The following ASAH1 variants were observed in gnomAD, a reference collection of about 807,000 sequenced individuals.
ASAH1 encodes the protein acid ceramidase.
A neutral mutation model predicts 59.5 loss-of-function variants in ASAH1; 70 were observed. The ratio of observed to expected loss-of-function variants is 1.18; its 90% CI spans 0.97 to 1.43. The LOEUF (loss-of-function observed/expected upper bound fraction) is 1.43, where lower values mean the gene tolerates loss of function less well. ASAH1 is among the 40% of genes most tolerant of loss of function. The pLI is 0.00. For synonymous variants in ASAH1, 213 were observed against 166.5 expected, an observed-to-expected ratio of 1.28 and a Z score of -2.15; for missense variants, 660 against 482.5, an observed-to-expected ratio of 1.37 and a Z score of -3.45.
At chr8:18,068,024 A>T (rs1385804393) in intron 4 of ASAH1, 1 of 152,158 alleles carries the variant, frequency 6.6e-6, no homozygotes, top group Non-Finnish European at 1.5e-5. Context: ...TAGGAACTCA[A>T]AGCATTCCCC....
In ASAH1 at chr8:18,080,851, C is replaced by T. The variant is rs976865570; in HGVS notation, c.78+3130G>A. Among the ~76,000 whole-genome samples, 11 of 152,242 alleles carry T rather than the reference C, an allele frequency of 7.2e-5. 1 individual carries two copies. Among genetic ancestry groups the T allele is most frequent in the Admixed American group, 5.2e-4 (8 of 15,286 alleles). ...GGGATTACAGGCATGAGCCACCGCG[C>T]CCGGCCTGTCCTGTTTTAACTTTGG... On this transcript the variant is annotated intron_variant, in intron 1 of 13. Coordinates refer to ENST00000637790, the MANE Select transcript of ASAH1 (RefSeq NM_177924.5).
chr8:18,080,749 G>A (rs894861574), intron 1 of ASAH1, among the ~76,000 whole-genome samples: 6 of 152,032 alleles, frequency 3.9e-5, no homozygotes, highest in African/African-American at 1.2e-4. Flanking sequence ...GTAGAGACAG[G>A]GTTTCTCCAT....
intron 4 of ASAH1, 158 bp from the exon 5 acceptor site, chr8:18,067,456 T>C: frequency 2.9e-6 from 1 of 347,006 alleles, no homozygotes; most frequent in Non-Finnish European, 4.9e-6. Context: ...ATAGGAATTA[T>C]TTTTTAAAGC....
At chr8:18,082,703 TC>T (rs1800705927) in intron 1 of ASAH1, 1 of 152,128 alleles carries the variant, frequency 6.6e-6, no homozygotes, top group Non-Finnish European at 1.5e-5. Context: ...TGGGTTTTTT[TC>T]TATAACCTAC....
chr8:18,059,811 G>A (rs964511303), intron 10 of ASAH1, 108 bp from the exon 11 acceptor site: 13 of 1,153,356 alleles, frequency 1.1e-5, no homozygotes, highest in African/African-American at 1.6e-5. Flanking sequence ...TGTGCTGAAC[G>A]TGCAGGTTTG....
At chr8:18,083,709 A>G (rs1474910968) in intron 1 of ASAH1, among the ~76,000 whole-genome samples, 1 of 152,254 alleles carries the variant, frequency 6.6e-6, no homozygotes, top group Non-Finnish European at 1.5e-5. Flanking sequence ...CACTCACTCA[A>G]ATCTAAGAAT....
Position 18,061,762 on chromosome 8 carries a change from G to C in ASAH1, c.649-22C>G, listed in dbSNP as rs367731158. 1.1e-3 allele frequency: 1,648 copies of C among 1,559,104 alleles called. 4 individuals are homozygous for C. The highest frequency in any genetic ancestry group is 1.3e-3 in the Non-Finnish European group (1,484 of 1,150,164). The stretch of plus-strand genomic sequence containing the variant: ...GTCCCTGAGAAAAAGACAAAGCAAC[G>C]AAGTCAGAAACATCAACCATGCGCT... On this transcript the variant is annotated intron_variant, in intron 8 of 13. Transcript: ENST00000637790.
chr8:18,081,371 G>A (rs529889446), intron 1 of ASAH1, among the ~76,000 whole-genome samples: 25 of 152,174 alleles, frequency 1.6e-4, no homozygotes, highest in Middle Eastern at 3.4e-3. Context: ...TACCCTTGCT[G>A]ACCTCCAATC....
intron 13 of ASAH1, 148 bp downstream of exon 13, chr8:18,058,687 G>A: frequency 1.4e-6 from 1 of 696,812 alleles, no homozygotes; most frequent in Non-Finnish European, 2.5e-6. Context: ...TACAGTTTTA[G>A]CCACACAAAA....
At chr8:18,070,578 G>A (rs1008897879) in intron 3 of ASAH1, among the ~76,000 whole-genome samples, 46 of 152,178 alleles carry the variant, frequency 3.0e-4, no homozygotes, top group African/African-American at 1.0e-3. Context: ...ATGAGCCACC[G>A]TGCCTGGCCT....
chr8:18,080,371 T>C (rs1800601242), intron 1 of ASAH1, among the ~76,000 whole-genome samples: 1 of 152,168 alleles, frequency 6.6e-6, no homozygotes, highest in Non-Finnish European at 1.5e-5. Flanking sequence ...TCCCCTCTAG[T>C]TCCTTTCCTG....
At chr8:18,059,009 C>T (rs181789827) in intron 12 of ASAH1, 118 bp from the exon 13 acceptor site, 104 of 914,686 alleles carry the variant, frequency 1.1e-4, no homozygotes, top group African/African-American at 7.8e-4. Context: ...CCTCCATCCC[C>T]GCAGTGGAGT....
Position 18,059,641 on chromosome 8 carries a change from A to G in ASAH1, c.848T>C (p.Leu283Pro). The G allele has an allele frequency of 6.2e-7, 1 of 1,614,224 alleles. No homozygotes were observed. Among genetic ancestry groups the G allele is most frequent in the Non-Finnish European group, 8.5e-7 (1 of 1,180,026 alleles). Residue 283 changes from leucine (L) to proline (P), a missense_variant, in exon 11 of 14, where the codon CTG becomes CCG. Transcript: ENST00000637790. ...ACCTTCCCCAGACTGGTTGCCTCCCAGGATAAAGTAGGCTGGGGCCAATAT... is the reference window on the plus strand; with the variant it reads ...ACCTTCCCCAGACTGGTTGCCTCCCGGGATAAAGTAGGCTGGGGCCAATAT... ...TKILAPAYFI[L>P]GGNQSGEGCV...
At chr8:18,071,441 G>A in intron 2 of ASAH1, 51 bp from the exon 3 acceptor site, 2 of 1,199,182 alleles carry the variant, frequency 1.7e-6, no homozygotes, top group African/African-American at 1.5e-5. Context: ...TTTTTGTGAG[G>A]GTCAGTTAGA....
chr8:18,059,742 T>A (rs1458635293), intron 10 of ASAH1, 39 bp from the exon 11 acceptor site: 4 of 1,542,488 alleles, frequency 2.6e-6, no homozygotes, highest in Non-Finnish European at 2.6e-6. Context: ...GAAACTTTTT[T>A]TTAATTTTAG....
At chr8:18,060,525 G>C (rs1272325134) in intron 10 of ASAH1, 2 of 152,260 alleles carry the variant, frequency 1.3e-5, no homozygotes, top group Non-Finnish European at 2.9e-5. Context: ...AGAACAGAAA[G>C]TAAACCTTCT....
chr8:18,069,563 A>G (rs771949337), intron 4 of ASAH1: 8 of 457,098 alleles, frequency 1.8e-5, no homozygotes, highest in Non-Finnish European at 2.8e-5. Flanking sequence ...TTATTTGCCC[A>G]ATGTCGTAAT....
At chr8:18,063,049 T>C (rs1346329230) in intron 7 of ASAH1, 136 bp downstream of exon 7, 6 of 764,322 alleles carry the variant, frequency 7.9e-6, no homozygotes, top group Admixed American at 6.0e-5. Context: ...TTTATGTTTT[T>C]AGTAGAGACG....
At chr8:18,067,410 T>C in intron 4 of ASAH1, 112 bp from the exon 5 acceptor site, 1 of 662,300 alleles carries the variant, frequency 1.5e-6, no homozygotes, top group Non-Finnish European at 2.1e-6. Context: ...TTCTTGGACA[T>C]ATAATTTTTT....
Sources: allele counts gnomAD v4.1 joint callset (sites outside exome capture counted in the v4.1 genomes callset), GRCh38; gene constraint gnomAD v4.1.1; transcripts MANE v1.5; gene names NCBI Gene and HGNC (gene_info 2026-07-23, HGNC 2026-07-21).